The following DIPK1C variants were observed in gnomAD, a reference collection of about 807,000 sequenced individuals.
The protein encoded by DIPK1C is familial non-conventional Alzheimer's dementia.
In DIPK1C, 33 loss-of-function variants were observed where a neutral mutation model predicts 28.0. That is an observed-to-expected ratio of 1.18 (90% CI 0.89 to 1.58). DIPK1C has a LOEUF of 1.58. Ranked by LOEUF, DIPK1C falls within the 40% of genes most tolerant of loss-of-function variation. The probability of loss-of-function intolerance (pLI) is 0.00; values close to 1 mark genes in which losing one functional copy is unlikely to be tolerated. For synonymous variants in DIPK1C, 255 were observed against 248.8 expected (o/e 1.02, Z -0.23); for missense variants, 569 against 568.5 (o/e 1.00, Z -0.01).
intron 1 of DIPK1C, among the ~76,000 whole-genome samples, chr18:74,455,396 A>G (rs1362416114): frequency 6.6e-6 from 1 of 152,102 alleles, no homozygotes; most frequent in Non-Finnish European, 1.5e-5. Context: ...GTCTATCAGC[A>G]CTCCCTTCAC....
chr18:74,446,814 T>C lies in DIPK1C; in HGVS notation c.668A>G (p.Glu223Gly). 6.7e-7 allele frequency: 1 copy of C among 1,489,646 alleles called. No individual in the cohort carries two copies. The highest frequency in any genetic ancestry group is 1.4e-5 in the African/African-American group (1 of 71,204). 92.3% of individuals were successfully genotyped at this position (1,489,646 alleles called of 1,614,324 possible). The change falls in exon 2 of 4, where the codon GAG becomes GGG. Residue 223 changes from glutamate to glycine, a missense_variant. Physicochemically the swap from Glu to Gly is moderately conservative, Grantham distance 98. Coordinates refer to ENST00000343998, the MANE Select transcript of DIPK1C (RefSeq NM_001044369.3). Reference sequence around the variant, plus strand: ...GTGGGGGCTGCCCGCGGCCAGGAACTCCACCGCGTAGAAGTGGCCGCAGGA... The same window carrying C: ...GTGGGGGCTGCCCGCGGCCAGGAACCCCACCGCGTAGAAGTGGCCGCAGGA... The part of the protein sequence containing the change: ...LGSCGHFYAV[E>G]FLAAGSPHHR...
chr18:74,461,363 CCTTCCTTCCTTCCTTT>C (rs1568268274), upstream of DIPK1C, among the ~76,000 whole-genome samples: 3 of 147,298 alleles, frequency 2.0e-5, no homozygotes, highest in African/African-American at 7.5e-5. Flanking sequence ...TTCCTTCCTT[CCTTCCTTCCTTCCTTT>C]CTTCCTTCCT....
In DIPK1C at chr18:74,436,552, A is replaced by G; in HGVS notation, c.1209T>C (p.Leu403=). Residue 403 remains leucine (L), a synonymous_variant, in exon 4 of 4, where the codon CTT becomes CTC. Transcript: ENST00000343998. ...TCAGTGTGGCTTGGAGGAGTTGGCG[A>G]AGCTTCCAGAACACGCTGGAGGCTG... ...RRAASSVFWK[L]RQLLQATLRE... is the part of the protein sequence containing the mutation. The G allele has an allele frequency of 6.2e-7, 1 of 1,607,448 alleles. No individual in the cohort carries two copies. Among genetic ancestry groups the G allele is most frequent in the Non-Finnish European group, 8.5e-7 (1 of 1,178,120 alleles).
chr18:74,459,162 T>C (rs1986580487), upstream of DIPK1C, among the ~76,000 whole-genome samples: 1 of 152,190 alleles, frequency 6.6e-6, no homozygotes, highest in African/African-American at 2.4e-5. Flanking sequence ...CCAAGAATTG[T>C]ATTTGGTGTG....
In DIPK1C at chr18:74,442,085, A is replaced by T. The variant is rs1208311494; in HGVS notation, c.908T>A (p.Phe303Tyr). The T allele has an allele frequency of 1.9e-6, 3 of 1,614,152 alleles. No individual in the cohort carries two copies. The South Asian group carries it at 3.3e-5, about 18-fold the overall frequency. The change falls in exon 3 of 4, where the codon TTT becomes TAT. Residue 303 changes from phenylalanine to tyrosine, a missense_variant. Phe to Tyr is a conservative substitution (Grantham distance 22). Transcript: ENST00000343998. ...AAGGATTTCCCTCATTTTAGGTTCA[A>T]AAAAGGCCATGTCCACATCAATAGC... ...VVAIDVDMAF[F>Y]EPKMREILEQ... is the part of the protein sequence containing the mutation.
Position 74,436,471 on chromosome 18 carries a change from T to C in DIPK1C, c.*30A>G. On this transcript the variant is annotated 3_prime_UTR_variant, in exon 4 of 4. Coordinates refer to ENST00000343998, the MANE Select transcript of DIPK1C (RefSeq NM_001044369.3). ...GAAATCCAGCCAAGGTCACTTTTCC[T>C]GTGTGAGCATGTTTAAGGCCAGAGA... 6.5e-7 allele frequency: 1 copy of C among 1,543,618 alleles called. No homozygotes were observed. Among genetic ancestry groups the C allele is most frequent in the Non-Finnish European group, 8.7e-7 (1 of 1,143,112 alleles).
intron 1 of DIPK1C, among the ~76,000 whole-genome samples, chr18:74,456,635 T>G (rs1006226966): frequency 3.3e-5 from 5 of 152,176 alleles, no homozygotes; most frequent in African/African-American, 1.2e-4. Context: ...GCTGGAGCGC[T>G]GCGGACCCGA....
At chr18:74,462,587 T>C (rs1364656029), upstream of DIPK1C, among the ~76,000 whole-genome samples, 3 of 152,312 alleles carry the variant, frequency 2.0e-5, no homozygotes, top group East Asian at 5.8e-4. Context: ...GCATGTGTCT[T>C]ATGTGGACGT....
At position 74,436,716 on chromosome 18, in the gene DIPK1C, T is replaced by G; in HGVS notation, c.1045A>C (p.Ile349Leu). Reference protein sequence around the residue: ...AQRVNNNLQVICDKIFRHWFS... With the variant: ...AQRVNNNLQVLCDKIFRHWFS... Reference sequence around the variant, plus strand: ...CAATGGCGAAATATTTTGTCACAGATGACCTGAGGGAAAGAAGGGTGGACA... The same window carrying G: ...CAATGGCGAAATATTTTGTCACAGAGGACCTGAGGGAAAGAAGGGTGGACA... Residue 349 changes from isoleucine (I) to leucine (L), a missense_variant, in exon 4 of 4, where the codon ATC (isoleucine) becomes CTC (leucine). Transcript: ENST00000343998. 1 of 1,610,904 alleles carries G rather than the reference T, an allele frequency of 6.2e-7. No individual in the cohort carries two copies.
At position 74,447,768 on chromosome 18, in the gene DIPK1C, C is replaced by T. The variant is rs1986306502; in HGVS notation, c.199-485G>A. Among the ~76,000 whole-genome samples the T allele has an allele frequency of 1.3e-5, 2 of 152,198 alleles. No individual in the cohort carries two copies. The highest frequency in any genetic ancestry group is 2.9e-5 in the Non-Finnish European group (2 of 68,034). ...CCCCAGGCTTGACCGCAGTAATGAC[C>T]CTTCCTGCAAGTACATTCCTTGAGC... On this transcript the variant is annotated intron_variant, in intron 1 of 3. Transcript: ENST00000343998. The surrounding 1 kb of genome is among the most constrained non-coding windows in gnomAD (Gnocchi z 4.1).
In DIPK1C at chr18:74,436,208, T is replaced by C. The variant is rs1423661894; in HGVS notation, c.*293A>G. Reference sequence around the variant, plus strand: ...CTGGGATAACCAGGTACAAGTGCTCTCTGCAGAGAATAAGTGCACACAGGT... The same window carrying C: ...CTGGGATAACCAGGTACAAGTGCTCCCTGCAGAGAATAAGTGCACACAGGT... On this transcript the variant is annotated 3_prime_UTR_variant, in exon 4 of 4. Transcript: ENST00000343998. 2 of 417,996 alleles carry C rather than the reference T, an allele frequency of 4.8e-6. No homozygotes were observed. Among genetic ancestry groups the C allele is most frequent in the East Asian group, 4.0e-5 (1 of 24,780 alleles). The allele number at this position is 417,996 out of a possible 1,614,324, so 25.9% of individuals were successfully genotyped here.
chr18:74,461,694 G>C (rs566862501), upstream of DIPK1C, among the ~76,000 whole-genome samples: 1 of 151,950 alleles, frequency 6.6e-6, no homozygotes, highest in Non-Finnish European at 1.5e-5. Flanking sequence ...AGGGCAGGGG[G>C]ATCATAGCTC....
intron 1 of DIPK1C, among the ~76,000 whole-genome samples, chr18:74,451,971 A>T (rs1272624879): frequency 6.6e-6 from 1 of 152,230 alleles, no homozygotes; most frequent in African/African-American, 2.4e-5. Flanking sequence ...AGCCTACCTT[A>T]AACATGCTCA....
Position 74,446,637 on chromosome 18 carries a change from G to T in DIPK1C, c.845C>A (p.Pro282Gln). Residue 282 changes from proline (P) to glutamine (Q), a missense_variant, in exon 2 of 4, where the codon CCG becomes CAG. Pro to Gln is a moderately conservative substitution (Grantham distance 76, BLOSUM62 -1). Coordinates refer to ENST00000343998, the MANE Select transcript of DIPK1C (RefSeq NM_001044369.3). ...SHRLHLCDIK[P>Q]ENFAIRSDFT... ...GTCGCTCCGGATGGCAAAGTTTTCC[G>T]GCTTGATGTCGCAGAGGTGGAGGCG... 1 of 1,471,128 alleles carries T rather than the reference G, an allele frequency of 6.8e-7. No homozygotes were observed. Among genetic ancestry groups the T allele is most frequent in the Non-Finnish European group, 9.0e-7 (1 of 1,108,030 alleles). The allele number at this position is 1,471,128 out of a possible 1,614,324, so 91.1% of individuals were successfully genotyped here. A position where few individuals can be genotyped will look rare whatever the true frequency, so the allele number is the denominator to read the frequency against.
At chr18:74,450,958 T>C (rs1052088162) in intron 1 of DIPK1C, among the ~76,000 whole-genome samples, 6 of 152,088 alleles carry the variant, frequency 3.9e-5, no homozygotes, top group Admixed American at 6.5e-5. Flanking sequence ...TACTGTGTAA[T>C]GGAGTCAAAC....
Position 74,436,530 on chromosome 18 carries a change from G to A in DIPK1C, c.1231C>T (p.Leu411=), listed in dbSNP as rs1392082999. The A allele has an allele frequency of 6.2e-7, 1 of 1,606,454 alleles. No individual in the cohort carries two copies. The highest frequency in any genetic ancestry group is 8.5e-7 in the Non-Finnish European group (1 of 1,177,756). ...TTCTCTGCCTCCTGCAGCTCCCTCA[G>A]TGTGGCTTGGAGGAGTTGGCGAAGC... ...WKLRQLLQAT[L]RELQEAEK The change falls in exon 4 of 4, where the codon CTG becomes TTG. Residue 411 remains leucine, a synonymous_variant. Coordinates refer to ENST00000343998, the MANE Select transcript of DIPK1C (RefSeq NM_001044369.3).
At chr18:74,444,348 C>G (rs1351844619) in intron 2 of DIPK1C, among the ~76,000 whole-genome samples, 1 of 152,208 alleles carries the variant, frequency 6.6e-6, no homozygotes, top group Non-Finnish European at 1.5e-5. Context: ...ACCTGCCCTG[C>G]AGATGAGAGA....
Position 74,446,991 on chromosome 18 carries a change from G to C in DIPK1C, c.491C>G (p.Ser164Cys), listed in dbSNP as rs1169815699. ...CCACCACGGCCCCAGGCTGCTGTTGGACAACTCCAGGCCCAGAGCGCTCTT... is the reference window on the plus strand; with the variant it reads ...CCACCACGGCCCCAGGCTGCTGTTGCACAACTCCAGGCCCAGAGCGCTCTT... Reference protein sequence around the residue: ...EVKSALGLELSNSSLGPWWPG... With the variant: ...EVKSALGLELCNSSLGPWWPG... The change falls in exon 2 of 4, where the codon TCC (serine) becomes TGC (cysteine). Residue 164 changes from serine to cysteine, a missense_variant. Ser to Cys is a moderately radical substitution (Grantham distance 112). Transcript: ENST00000343998. 6.6e-7 allele frequency: 1 copy of C among 1,526,150 alleles called. No individual in the cohort carries two copies. The highest frequency in any genetic ancestry group is 2.5e-5 in the East Asian group (1 of 40,468). 94.5% of individuals were successfully genotyped at this position (1,526,150 alleles called of 1,614,324 possible). A position where few individuals can be genotyped will look rare whatever the true frequency, so the allele number is the denominator to read the frequency against.
intron 1 of DIPK1C, among the ~76,000 whole-genome samples, chr18:74,450,695 G>A (rs1986378318): frequency 6.6e-6 from 1 of 152,228 alleles, no homozygotes; most frequent in African/African-American, 2.4e-5. Context: ...GATTGGGACT[G>A]GGCCACTCCC....
Sources: allele counts gnomAD v4.1 joint callset (sites outside exome capture counted in the v4.1 genomes callset), GRCh38; gene constraint gnomAD v4.1.1; non-coding constraint Gnocchi (gnomAD v3.1); transcripts MANE v1.5; gene names NCBI Gene and HGNC (gene_info 2026-07-23, HGNC 2026-07-21).